The following MBD5 variants were observed in gnomAD, a reference collection of about 807,000 sequenced individuals.
MBD5 encodes the protein methyl-CpG-binding domain protein 5.
Under a neutral mutation model 117.3 loss-of-function variants are expected in MBD5, and 13 were observed. The observed-to-expected ratio is 0.11, with a 90% CI of 0.07 to 0.18. The LOEUF (loss-of-function observed/expected upper bound fraction) is 0.18, where lower values mean the gene tolerates loss of function less well. Ranked by LOEUF, MBD5 falls within the 10% of genes least tolerant of loss-of-function variation. MBD5 has a pLI of 1.00. For synonymous variants in MBD5, 727 were observed against 766.4 expected (o/e 0.95, Z 0.85); for missense variants, 1,879 against 2,093.8 (o/e 0.90, Z 2.00).
At chr2:148,345,170 G>A (rs922213081) in intron 4 of MBD5, among the ~76,000 whole-genome samples, 3 of 151,208 alleles carry the variant, frequency 2.0e-5, no homozygotes, top group African/African-American at 4.9e-5. Flanking sequence ...AGAACTAATA[G>A]GATATATATA....
chr2:148,157,219 T>C (rs1697896791), intron 1 of MBD5, among the ~76,000 whole-genome samples: 1 of 152,136 alleles, frequency 6.6e-6, no homozygotes, highest in African/African-American at 2.4e-5. Flanking sequence ...ACATGTGCCC[T>C]GGTGGTTTGC....
At chr2:148,024,826 A>T (rs1360064729) in intron 1 of MBD5, 1 of 152,200 alleles carries the variant, frequency 6.6e-6, no homozygotes, top group East Asian at 1.9e-4. Context: ...TACTTGTAAA[A>T]ATTGTTCAGG....
At chr2:148,273,591 G>A (rs1701035360) in intron 3 of MBD5, among the ~76,000 whole-genome samples, 1 of 152,000 alleles carries the variant, frequency 6.6e-6, no homozygotes, top group Non-Finnish European at 1.5e-5. Flanking sequence ...CAAGAATACA[G>A]CTTCAACCCC....
chr2:148,340,875 C>CACACACAT (rs535805362), intron 3 of MBD5, among the ~76,000 whole-genome samples: 160 of 144,632 alleles, frequency 1.1e-3, no homozygotes, highest in East Asian at 8.0e-3. Flanking sequence ...CACACACACA[C>CACACACAT]ATAGCATTTA....
rs185100701 is a variant in MBD5, at chr2:148,515,408, G to A, written c.*2467G>A. The A allele has an allele frequency of 5.4e-4, 82 of 152,210 alleles. No individual in the cohort carries two copies. Among genetic ancestry groups the A allele is most frequent in the African/African-American group, 1.8e-3 (75 of 41,496 alleles). The allele number at this position is 152,210 out of a possible 1,614,324, so 9.4% of individuals were successfully genotyped here. On this transcript the variant is annotated 3_prime_UTR_variant, in exon 14 of 14. Transcript: ENST00000642680. ...GCTAGGTGTAGTAGTTTCAGTCCAC[G>A]TGGGTTTTTTTCATCTCTCTTAGAG...
intron 1 of MBD5, among the ~76,000 whole-genome samples, chr2:148,152,657 C>T (rs1038097640): frequency 1.1e-4 from 17 of 152,060 alleles, no homozygotes; most frequent in African/African-American, 4.1e-4. Flanking sequence ...GGATAGTTAG[C>T]TCTTCTTGTT....
chr2:148,434,536 GTTGTTTAA>G (rs1466741971), intron 4 of MBD5, among the ~76,000 whole-genome samples: 1 of 151,836 alleles, frequency 6.6e-6, no homozygotes, highest in African/African-American at 2.4e-5. Flanking sequence ...TCAGGAGCAG[GTTGTTTAA>G]TTTCCATGTA....
In MBD5 at chr2:148,468,413, C is replaced by G. The variant is rs746552052; in HGVS notation, c.470C>G (p.Thr157Arg). ...AGAAATAAGTCTCATGAAGGAATTA[C>G]AAATTCTGTAATGCCTGAATGTAAG... is the stretch of plus-strand genomic sequence containing the variant. Reference protein sequence around the residue: ...SVRNKSHEGITNSVMPECKNP... With the variant: ...SVRNKSHEGIRNSVMPECKNP... Residue 157 changes from threonine to arginine, a missense_variant, in exon 8 of 14, where the codon ACA (threonine) becomes AGA (arginine). By Grantham distance (71) the Thr-to-Arg change is moderately conservative (BLOSUM62 -1). Around this residue, in one of 4 missense-constraint regions of MBD5, gnomAD observed 1,666 missense variants for 1,792.2 expected, o/e 0.93. Transcript: ENST00000642680. 1 of 1,613,718 alleles carries G rather than the reference C, an allele frequency of 6.2e-7. No homozygotes were observed. Among genetic ancestry groups the G allele is most frequent in the Non-Finnish European group, 8.5e-7 (1 of 1,179,780 alleles).
chr2:148,186,636 C>T (rs1698665815), intron 2 of MBD5, among the ~76,000 whole-genome samples: 1 of 152,116 alleles, frequency 6.6e-6, no homozygotes, highest in Non-Finnish European at 1.5e-5. Context: ...GACATTTTGC[C>T]GTTGTGATTT....
intron 1 of MBD5, among the ~76,000 whole-genome samples, chr2:148,156,812 T>C (rs2105715128): frequency 6.6e-6 from 1 of 152,308 alleles, no homozygotes; most frequent in East Asian, 1.9e-4. Flanking sequence ...GTCATTTAAA[T>C]CACAAGACTG....
intron 2 of MBD5, among the ~76,000 whole-genome samples, chr2:148,179,312 A>G (rs997099569): frequency 3.3e-5 from 5 of 150,844 alleles, no homozygotes; most frequent in African/African-American, 7.3e-5. Flanking sequence ...CCGAGATCGC[A>G]CCACTGCACT....
At chr2:148,397,309 T>TTTC (rs1453450937) in intron 4 of MBD5, among the ~76,000 whole-genome samples, 3 of 151,382 alleles carry the variant, frequency 2.0e-5, no homozygotes, top group African/African-American at 7.3e-5. Context: ...GGCCCAAATG[T>TTTC]TTCTGTCTTC....
At chr2:148,391,107 C>T (rs978050593) in intron 4 of MBD5, among the ~76,000 whole-genome samples, 1 of 152,182 alleles carries the variant, frequency 6.6e-6, no homozygotes, top group Non-Finnish European at 1.5e-5. Flanking sequence ...ACTCCCAAGA[C>T]TCTTTAATAA....
chr2:148,503,432 C>T (rs1353094255), intron 12 of MBD5, among the ~76,000 whole-genome samples: 1 of 152,074 alleles, frequency 6.6e-6, no homozygotes, highest in Non-Finnish European at 1.5e-5. Flanking sequence ...CAGAATGATT[C>T]GTAGTGTATC....
intron 1 of MBD5, among the ~76,000 whole-genome samples, chr2:148,126,420 A>T (rs1322779745): frequency 6.6e-6 from 1 of 151,792 alleles, no homozygotes; most frequent in African/African-American, 2.4e-5. Context: ...AAAAAAAAAA[A>T]AAAAAGTAGG....
intron 4 of MBD5, among the ~76,000 whole-genome samples, chr2:148,451,381 G>T (rs13010376): frequency 0.014 from 2,070 of 152,268 alleles, 24 homozygotes; most frequent in South Asian, 0.043. Context: ...AGATAAGTGT[G>T]CTCATAAAGA....
chr2:148,066,662 G>T (rs1695203616), intron 1 of MBD5, among the ~76,000 whole-genome samples: 1 of 151,908 alleles, frequency 6.6e-6, no homozygotes, highest in South Asian at 2.1e-4. Flanking sequence ...TATTTTAACA[G>T]AGATGGATTT....
chr2:148,372,199 C>T (rs549357544), intron 4 of MBD5, among the ~76,000 whole-genome samples: 50 of 152,140 alleles, frequency 3.3e-4, no homozygotes, highest in African/African-American at 1.1e-3. Flanking sequence ...ATCCAAATCA[C>T]GTTATCTAAA....
intron 2 of MBD5, among the ~76,000 whole-genome samples, chr2:148,194,554 G>A (rs1392334781): frequency 1.1e-5 from 1 of 92,072 alleles, no homozygotes; most frequent in African/African-American, 3.4e-5. Context: ...GGTGGGAACT[G>A]AACAATGAGA....
Sources: gnomAD v4.1 joint callset for allele counts (sites outside exome capture counted in the v4.1 genomes callset) on GRCh38, gnomAD v4.1.1 for gene constraint, gnomAD v4.1.1 regional missense constraint, MANE v1.5 for transcripts, NCBI Gene and HGNC (gene_info 2026-07-23, HGNC 2026-07-21) for gene names.